ARHGAP44: variants seen among roughly 807,000 people sequenced by gnomAD.
ARHGAP44 encodes Rho GTPase activating protein 44.
Under a neutral mutation model 106.8 loss-of-function variants are expected in ARHGAP44, and 43 were observed. The observed-to-expected ratio is 0.40, with a 90% CI of 0.32 to 0.52. The LOEUF is 0.52. Ranked by LOEUF, ARHGAP44 falls within the 20% of genes least tolerant of loss-of-function variation. The probability of loss-of-function intolerance (pLI) is 0.48; values close to 1 mark genes in which losing one functional copy is unlikely to be tolerated. For synonymous variants in ARHGAP44, 439 were observed against 410.3 expected (o/e 1.07, Z -0.85); for missense variants, 866 against 1,050.5 (o/e 0.82, Z 2.43).
intron 6 of ARHGAP44, among the ~76,000 whole-genome samples, chr17:12,924,774 G>C (rs77487181): frequency 0.12 from 18,697 of 152,046 alleles, 2,047 homozygotes; most frequent in African/African-American, 0.3. Flanking sequence ...GACAGAAACA[G>C]CAGCCATCTG....
In ARHGAP44 at chr17:12,828,966, A is replaced by G. The variant is rs372222728; in HGVS notation, c.53+39075A>G. Among the ~76,000 whole-genome samples the G allele has an allele frequency of 4.5e-3, 692 of 152,140 alleles. 4 individuals are homozygous for G. Among genetic ancestry groups the G allele is most frequent in the African/African-American group, 0.016 (644 of 41,506 alleles). ...AGCCTGGCCTTTATTTTGGATTTTT[A>G]TATCACATTCATAAAAATTGACCTA... is the stretch of plus-strand genomic sequence containing the variant. On this transcript the variant is annotated intron_variant, in intron 1 of 20. Transcript: ENST00000379672.
intron 1 of ARHGAP44, among the ~76,000 whole-genome samples, chr17:12,841,581 C>CTG (rs2035393877): frequency 8.2e-5 from 10 of 121,506 alleles, no homozygotes; most frequent in East Asian, 2.5e-4. Context: ...GACCCTGTCT[C>CTG]TCTGTCTCTC....
At chr17:12,881,618 A>C (rs2036739730) in intron 1 of ARHGAP44, among the ~76,000 whole-genome samples, 1 of 152,066 alleles carries the variant, frequency 6.6e-6, no homozygotes, top group Admixed American at 6.6e-5. Context: ...CCCTCAACTT[A>C]TTCTACTTAA....
chr17:12,841,077 A>C (rs2035376849), intron 1 of ARHGAP44, among the ~76,000 whole-genome samples: 1 of 152,192 alleles, frequency 6.6e-6, no homozygotes, highest in Non-Finnish European at 1.5e-5. Context: ...AAGCCCCTCC[A>C]GGTGGAACTC....
chr17:12,799,146 CAT>C (rs1429523022), intron 1 of ARHGAP44, among the ~76,000 whole-genome samples: 5 of 152,176 alleles, frequency 3.3e-5, no homozygotes, highest in Admixed American at 3.3e-4. Context: ...TTGATCAGCA[CAT>C]ATGTTTTCTA....
At chr17:12,821,755 C>A (rs1384724647) in intron 1 of ARHGAP44, among the ~76,000 whole-genome samples, 1 of 152,128 alleles carries the variant, frequency 6.6e-6, no homozygotes, top group African/African-American at 2.4e-5. Flanking sequence ...GTTTTCCAAA[C>A]AATGTGAATC....
At chr17:12,953,063 G>A (rs1466851196) in intron 13 of ARHGAP44, among the ~76,000 whole-genome samples, 2 of 152,262 alleles carry the variant, frequency 1.3e-5, no homozygotes, top group East Asian at 1.9e-4. Flanking sequence ...GGGGATTTGT[G>A]GTAAAGACAG....
chr17:12,893,896 T>C (rs1014407998), intron 1 of ARHGAP44, among the ~76,000 whole-genome samples: 3 of 152,196 alleles, frequency 2.0e-5, no homozygotes, highest in African/African-American at 7.2e-5. Flanking sequence ...AGGACAACAC[T>C]TTTACCATGT....
chr17:12,916,541 T>G (rs2240566), intron 5 of ARHGAP44, among the ~76,000 whole-genome samples: 1 of 151,964 alleles, frequency 6.6e-6, no homozygotes, highest in South Asian at 2.1e-4. Flanking sequence ...CCCACCACCA[T>G]GCCCATTTAA....
intron 1 of ARHGAP44, among the ~76,000 whole-genome samples, chr17:12,860,851 CTATTCT>C (rs1288315946): frequency 8.7e-5 from 9 of 103,714 alleles, no homozygotes; most frequent in African/African-American, 3.0e-4. Context: ...TGGTTTTTTT[CTATTCT>C]TTTTTTTTTT....
intron 16 of ARHGAP44, among the ~76,000 whole-genome samples, chr17:12,972,212 G>C (rs959579126): frequency 1.3e-5 from 2 of 152,174 alleles, no homozygotes; most frequent in African/African-American, 4.8e-5. Context: ...CTGAATGAAT[G>C]AATGTTTCTC....
intron 1 of ARHGAP44, among the ~76,000 whole-genome samples, chr17:12,867,504 A>G (rs1032603967): frequency 2.0e-5 from 3 of 152,244 alleles, no homozygotes; most frequent in Admixed American, 2.0e-4. Context: ...GCAAGTCACA[A>G]TTGTGCACCA....
chr17:12,990,106 A>G lies in ARHGAP44; in HGVS notation c.2392A>G (p.Met798Val), dbSNP rs371493430. The part of the protein sequence containing the change: ...STLRLSPLEH[M>V]RRHSVTDKRD... ...GCTCCGCCTGAGTCCCCTGGAGCAC[A>G]TGCGGCGACACTCAGTAACTGACAA... Residue 798 changes from methionine to valine, a missense_variant, in exon 21 of 21, where the codon ATG (methionine) becomes GTG (valine). By Grantham distance (21) the Met-to-Val change is conservative. This residue lies in a region of ARHGAP44 where 418 missense variants were observed against 403.6 expected (regional missense o/e 1.04). Coordinates refer to ENST00000379672, the MANE Select transcript of ARHGAP44 (RefSeq NM_014859.6). The G allele has an allele frequency of 2.5e-5, 41 of 1,613,364 alleles. No individual in the cohort carries two copies. Among genetic ancestry groups the G allele is most frequent in the Non-Finnish European group, 3.2e-5 (38 of 1,179,724 alleles).
Position 12,807,460 on chromosome 17 carries a change from C to T in ARHGAP44, c.53+17569C>T, listed in dbSNP as rs144881307. Among the ~76,000 whole-genome samples, 1,129 of 152,306 alleles carry T rather than the reference C, an allele frequency of 7.4e-3. 9 individuals carry two copies. The highest frequency in any genetic ancestry group is 0.011 in the Non-Finnish European group (722 of 68,028). On this transcript the variant is annotated intron_variant, in intron 1 of 20. Transcript: ENST00000379672. ...GAGATTTAATTGACTCACAGTTCCACATGGCTGGGGAGGCCTCACAATCAT... is the reference window on the plus strand; with the variant it reads ...GAGATTTAATTGACTCACAGTTCCATATGGCTGGGGAGGCCTCACAATCAT...
intron 3 of ARHGAP44, among the ~76,000 whole-genome samples, chr17:12,908,374 A>G (rs2037626552): frequency 1.3e-5 from 2 of 151,512 alleles, no homozygotes; most frequent in African/African-American, 4.8e-5. Context: ...TTTTTATGTT[A>G]TTAGTAGAGA....
chr17:12,902,707 G>T (rs943375223), intron 3 of ARHGAP44, among the ~76,000 whole-genome samples: 7 of 152,148 alleles, frequency 4.6e-5, no homozygotes, highest in African/African-American at 1.4e-4. Flanking sequence ...ACGACCCAAG[G>T]GTGAAGCCCA....
chr17:12,844,281 C>A (rs2150835552), intron 1 of ARHGAP44, among the ~76,000 whole-genome samples: 1 of 152,248 alleles, frequency 6.6e-6, no homozygotes, highest in African/African-American at 2.4e-5. Flanking sequence ...AGTCTGAGAG[C>A]CTGGCACCAG....
At chr17:12,898,054 C>T (rs2037265444) in intron 3 of ARHGAP44, among the ~76,000 whole-genome samples, 1 of 152,076 alleles carries the variant, frequency 6.6e-6, no homozygotes, top group Non-Finnish European at 1.5e-5. Flanking sequence ...GATAATTATT[C>T]ACCCTCCCCA....
At chr17:12,977,449 C>T (rs958705708) in intron 18 of ARHGAP44, among the ~76,000 whole-genome samples, 4 of 152,100 alleles carry the variant, frequency 2.6e-5, no homozygotes, top group Non-Finnish European at 5.9e-5. Flanking sequence ...CCCCAGGCCC[C>T]ACCTTCAGTT....
Sources: allele counts gnomAD v4.1 joint callset (sites outside exome capture counted in the v4.1 genomes callset), GRCh38; gene constraint gnomAD v4.1.1; regional missense constraint gnomAD v4.1.1; transcripts MANE v1.5; gene names NCBI Gene and HGNC (gene_info 2026-07-23, HGNC 2026-07-21).